The following PPP1R12C variants were observed in gnomAD, a reference collection of about 807,000 sequenced individuals.
PPP1R12C encodes protein phosphatase 1 regulatory subunit 12C.
A neutral mutation model predicts 95.6 loss-of-function variants in PPP1R12C; 48 were observed. The observed-to-expected ratio is 0.50, with a 90% CI of 0.40 to 0.64. The LOEUF (loss-of-function observed/expected upper bound fraction) is 0.64. Ranked by LOEUF, PPP1R12C falls within the 30% of genes least tolerant of loss-of-function variation. The pLI is 0.00. For missense variants in PPP1R12C, 1,057 were observed against 1,083.3 expected (o/e 0.98, Z 0.34); for synonymous variants, 480 against 460.8 (o/e 1.04, Z -0.53).
intron 1 of PPP1R12C, 148 bp from the exon 2 acceptor site, chr19:55,112,943 T>G: frequency 8.6e-7 from 1 of 1,157,096 alleles, no homozygotes; most frequent in African/African-American, 1.5e-5. Flanking sequence ...GGCCACTGGC[T>G]GTTTAAGATA....
rs939996057 is a variant in PPP1R12C, at chr19:55,092,855, G to A, written c.1839C>T (p.Asp613=). ...CCGCCTGCGGTCCCGGACCCTGCCC[G>A]TCGGGCGCCTCTGCTGGGGGAGGGG... ...DSPAQRAEAP[D]GQGPGPQAAR... The change falls in exon 16 of 22, where the codon GAC becomes GAT. Residue 613 remains aspartate, a synonymous_variant. Transcript: ENST00000263433. The A allele has an allele frequency of 1.1e-5, 17 of 1,581,296 alleles. No individual in the cohort carries two copies. Among genetic ancestry groups the A allele is most frequent in the Non-Finnish European group, 1.3e-5 (15 of 1,164,506 alleles).
rs748133844 is a variant in PPP1R12C at position 55,092,543 on chromosome 19, T to A, written c.1954A>T (p.Thr652Ser). 54 of 1,600,274 alleles carry A rather than the reference T, an allele frequency of 3.4e-5. No individual in the cohort carries two copies. The highest frequency in any genetic ancestry group is 4.4e-5 in the Non-Finnish European group (52 of 1,174,232). ...EPADRSQESSTLEGGPSARRQ... is the reference protein window; with the variant it reads ...EPADRSQESSSLEGGPSARRQ... ...CGGGCCGAGGGGCCGCCCTCCAGGG[T>A]GCTGGGGCAGGGGAGGAGCGCGCGT... The change falls in exon 18 of 22, where the codon ACC (threonine) becomes TCC (serine). Residue 652 changes from threonine to serine, a missense_variant and splice_region_variant. Around this residue, in one of 5 missense-constraint regions of PPP1R12C, gnomAD observed 347 missense variants for 307.9 expected, o/e 1.13. Coordinates refer to ENST00000263433, the MANE Select transcript of PPP1R12C (RefSeq NM_017607.4).
Position 55,091,466 on chromosome 19 carries a change from T to A in PPP1R12C, c.*6A>T, listed in dbSNP as rs778425358. 6.2e-7 allele frequency: 1 copy of A among 1,613,118 alleles called. No homozygotes were observed. Among genetic ancestry groups the A allele is most frequent in the Non-Finnish European group, 8.5e-7 (1 of 1,179,174 alleles). Reference sequence around the variant, plus strand: ...ATAAATACGGGTGCGGGAAAGTCCCTCCGGGTCACTTGGAGAGTTTGCTGA... The same window carrying A: ...ATAAATACGGGTGCGGGAAAGTCCCACCGGGTCACTTGGAGAGTTTGCTGA... On this transcript the variant is annotated 3_prime_UTR_variant, in exon 22 of 22. Coordinates refer to ENST00000263433, the MANE Select transcript of PPP1R12C (RefSeq NM_017607.4).
chr19:55,112,494 G>A lies in PPP1R12C; in HGVS notation c.544C>T (p.Leu182=). The A allele has an allele frequency of 1.2e-6, 2 of 1,612,706 alleles. No individual in the cohort carries two copies. Among genetic ancestry groups the A allele is most frequent in the Non-Finnish European group, 1.7e-6 (2 of 1,179,762 alleles). Residue 182 remains leucine, a synonymous_variant, in exon 3 of 22, where the codon CTG becomes TTG. Coordinates refer to ENST00000263433, the MANE Select transcript of PPP1R12C (RefSeq NM_017607.4). ...CGGCGGGCGATCTCCGCCTTCAGCA[G>A]CCCCTCCATGGCGTCCGACTCGGCC... ...DLAESDAMEG[L]LKAEIARRGV...
intron 3 of PPP1R12C, among the ~76,000 whole-genome samples, chr19:55,105,023 G>C (rs537456710): frequency 6.6e-6 from 1 of 150,832 alleles, no homozygotes; most frequent in African/African-American, 2.4e-5. Flanking sequence ...ACCCGCCTCG[G>C]CCTCCCAAAG....
rs1316102582 is a variant in PPP1R12C, at chr19:55,094,664, C to T, written c.1589G>A (p.Arg530Gln). ...CTTCCTGCCCTGGCCTCTTCACCTCCGTCGGTCCCGGGAGTCCGCTGGGGG... is the reference window on the plus strand; with the variant it reads ...CTTCCTGCCCTGGCCTCTTCACCTCTGTCGGTCCCGGGAGTCCGCTGGGGG... ...TAPPADSRDR[R>Q]RSYQMPVRDE... Residue 530 changes from arginine (R) to glutamine (Q), a missense_variant, in exon 12 of 22, where the codon CGG becomes CAG. By Grantham distance (43) the Arg-to-Gln change is conservative (BLOSUM62 1). Around this residue, in one of 5 missense-constraint regions of PPP1R12C, gnomAD observed 356 missense variants for 330.5 expected, o/e 1.08. Transcript: ENST00000263433. 5 of 1,588,634 alleles carry T rather than the reference C, an allele frequency of 3.1e-6. No individual in the cohort carries two copies. Among genetic ancestry groups the T allele is most frequent in the Admixed American group, 1.8e-5 (1 of 56,948 alleles).
chr19:55,097,222 A>G (rs34598268), intron 6 of PPP1R12C, among the ~76,000 whole-genome samples: 1 of 56,414 alleles, frequency 1.8e-5, no homozygotes, highest in African/African-American at 7.9e-5. Flanking sequence ...CCGTCTTCAC[A>G]CCTTCCCCGC....
chr19:55,103,066 G>A (rs1041103420), intron 4 of PPP1R12C, among the ~76,000 whole-genome samples: 5 of 151,942 alleles, frequency 3.3e-5, no homozygotes, highest in East Asian at 3.9e-4. Flanking sequence ...GGTGGTGTGC[G>A]CCTGTAGTCC....
rs2084955275 is a variant in PPP1R12C at position 55,099,176 on chromosome 19, C to G, written c.732-81G>C. 2.8e-6 allele frequency: 4 copies of G among 1,421,984 alleles called. No homozygotes were observed. The African/African-American group carries it at 4.3e-5, about 15-fold the overall frequency. The allele number at this position is 1,421,984 out of a possible 1,614,324, so 88.1% of individuals were successfully genotyped here. ...CTGATTTCGGCCAGCGGTTTGGTAA[C>G]GAGGTCCCAGGCCACGAGACTGAAA... On this transcript the variant is annotated intron_variant, in intron 4 of 21. Coordinates refer to ENST00000263433, the MANE Select transcript of PPP1R12C (RefSeq NM_017607.4).
chr19:55,097,254 C>A (rs2147187130), intron 6 of PPP1R12C, among the ~76,000 whole-genome samples: 3 of 109,474 alleles, frequency 2.7e-5, no homozygotes, highest in African/African-American at 7.4e-5. Context: ...CCGTCTTCAC[C>A]CCTACCCCGC....
chr19:55,103,647 G>T, intron 3 of PPP1R12C, 79 bp from the exon 4 acceptor site: 4 of 1,362,528 alleles, frequency 2.9e-6, no homozygotes, highest in Non-Finnish European at 3.9e-6. Context: ...GGCTGGCCAG[G>T]GTTCAGCCCA....
rs761036827 is a variant in PPP1R12C, at chr19:55,091,825, G to A, written c.2211+34C>T. 14 of 1,612,644 alleles carry A rather than the reference G, an allele frequency of 8.7e-6. No individual in the cohort carries two copies. In the South Asian group the frequency reaches 1.1e-4, roughly 13 times the overall value. On this transcript the variant is annotated intron_variant, in intron 20 of 21. Coordinates refer to ENST00000263433, the MANE Select transcript of PPP1R12C (RefSeq NM_017607.4). Reference sequence around the variant, plus strand: ...AACTTAGGGATGTGAGGCTGGGGACGCCTCTGGCCCCCATCCCCACTGCCC... The same window carrying A: ...AACTTAGGGATGTGAGGCTGGGGACACCTCTGGCCCCCATCCCCACTGCCC...
At chr19:55,111,136 G>A (rs887539843) in intron 3 of PPP1R12C, among the ~76,000 whole-genome samples, 1 of 139,016 alleles carries the variant, frequency 7.2e-6, no homozygotes, top group African/African-American at 2.9e-5. Context: ...AGAGGGCTTC[G>A]TGGGGTGGGG....
intron 3 of PPP1R12C, chr19:55,112,178 A>ACCCCCCCCCCCCCCCCCCCCC (rs59876929): frequency 7.6e-6 from 1 of 131,600 alleles, no homozygotes; most frequent in African/African-American, 3.0e-5. Context: ...GAGTCCCTCC[A>ACCCCCCCCCCCCCCCCCCCCC]CCCACCCACC....
chr19:55,091,647 C>T lies in PPP1R12C; in HGVS notation c.2262+3G>A, dbSNP rs1442765729. On this transcript the variant is annotated splice_donor_region_variant and intron_variant, in intron 21 of 21. Transcript: ENST00000263433. ...CTCTGCCCACAGCCCCCACAGCCCCCACCTTCAGCTCCTCCTCCAGCTCTG... is the reference window on the plus strand; with the variant it reads ...CTCTGCCCACAGCCCCCACAGCCCCTACCTTCAGCTCCTCCTCCAGCTCTG... The T allele has an allele frequency of 5.0e-6, 8 of 1,612,186 alleles. No individual in the cohort carries two copies. Among genetic ancestry groups the T allele is most frequent in the Non-Finnish European group, 6.8e-6 (8 of 1,179,444 alleles).
In PPP1R12C at chr19:55,107,935, C is replaced by CTTT. The variant is rs34454787; in HGVS notation, c.572-4370_572-4368dup. 3.0e-5 allele frequency among the ~76,000 whole-genome samples: 4 copies of CTTT among 134,742 alleles called. 1 individual carries two copies. Among genetic ancestry groups the CTTT allele is most frequent in the Admixed American group, 7.5e-5 (1 of 13,316 alleles). 88.4% of individuals were successfully genotyped at this position (134,742 alleles called of 152,430 possible). ...ATACACACAGTATAAAATTTACCAT[C>CTTT]TTTTTTTTTTTTTTTTGAGATGCTG... On this transcript the variant is annotated intron_variant, in intron 3 of 21. Transcript: ENST00000263433.
chr19:55,105,542 T>A (rs1433095704), intron 3 of PPP1R12C, among the ~76,000 whole-genome samples: 1 of 152,208 alleles, frequency 6.6e-6, no homozygotes, highest in Non-Finnish European at 1.5e-5. Context: ...CTTCCCTGTT[T>A]TAAAGTGCAC....
intron 6 of PPP1R12C, among the ~76,000 whole-genome samples, chr19:55,098,310 G>A (rs2084944757): frequency 6.6e-6 from 1 of 152,232 alleles, no homozygotes; most frequent in Non-Finnish European, 1.5e-5. Context: ...ACTCACGGCA[G>A]ATCCATGGCA....
intron 3 of PPP1R12C, among the ~76,000 whole-genome samples, chr19:55,107,322 G>A (rs1450401047): frequency 6.6e-6 from 1 of 152,148 alleles, no homozygotes; most frequent in African/African-American, 2.4e-5. Context: ...GCTGAGGCAG[G>A]AGACTTGCTT....
Sources: gnomAD v4.1 joint callset for allele counts (sites outside exome capture counted in the v4.1 genomes callset) on GRCh38, gnomAD v4.1.1 for gene constraint, gnomAD v4.1.1 regional missense constraint, MANE v1.5 for transcripts, NCBI Gene and HGNC (gene_info 2026-07-23, HGNC 2026-07-21) for gene names.